ING4: variants seen among roughly 807,000 people sequenced by gnomAD.
The protein encoded by ING4 is inhibitor of growth protein 4.
A neutral mutation model predicts 33.1 loss-of-function variants in ING4; 28 were observed. The ratio of observed to expected loss-of-function variants is 0.85; its 90% confidence interval spans 0.63 to 1.16. The LOEUF is 1.16. ING4 is among the 50% of genes most tolerant of loss of function. ING4 has a pLI of 0.00. For synonymous variants in ING4, 87 were observed against 104.4 expected, an observed-to-expected ratio of 0.83 and a Z score of 1.02; for missense variants, 247 against 314.7, an observed-to-expected ratio of 0.78 and a Z score of 1.63.
chr12:6,652,429 A>C lies in ING4; in HGVS notation c.498-11T>G. The C allele has an allele frequency of 1.2e-6, 2 of 1,613,190 alleles. No individual in the cohort carries two copies. The highest frequency in any genetic ancestry group is 1.7e-6 in the Non-Finnish European group (2 of 1,179,382). On this transcript the variant is annotated splice_polypyrimidine_tract_variant and intron_variant, in intron 5 of 7. Transcript: ENST00000341550. Reference sequence around the variant, plus strand: ...CCATACTCAGGACTTCTGCATGCCAAGAGGAAGAGAAAGTGTCATCTACAG... The same window carrying C: ...CCATACTCAGGACTTCTGCATGCCACGAGGAAGAGAAAGTGTCATCTACAG...
intron 1 of ING4, among the ~76,000 whole-genome samples, chr12:6,661,037 A>C (rs1407036066): frequency 6.8e-6 from 1 of 147,168 alleles, no homozygotes; most frequent in African/African-American, 2.5e-5. Context: ...AAGGCGATCC[A>C]CCCATCTCAG....
At chr12:6,657,222 A>G (rs1949386220) in intron 1 of ING4, among the ~76,000 whole-genome samples, 1 of 151,588 alleles carries the variant, frequency 6.6e-6, no homozygotes, top group Non-Finnish European at 1.5e-5. Context: ...GGCCGAGGAG[A>G]GCAGATCACG....
Position 6,650,398 on chromosome 12 carries a change from G to C in ING4, c.*797C>G, listed in dbSNP as rs1345555303. ...AAGTTTTGGAGACCCCCTGGTCTGAGGCCTACCCTCCAGCACCTCTGTCTT... is the reference window on the plus strand; with the variant it reads ...AAGTTTTGGAGACCCCCTGGTCTGACGCCTACCCTCCAGCACCTCTGTCTT... On this transcript the variant is annotated 3_prime_UTR_variant, in exon 8 of 8. Coordinates refer to ENST00000341550, the MANE Select transcript of ING4 (RefSeq NM_016162.4). The C allele has an allele frequency of 6.6e-6, 1 of 152,350 alleles. No homozygotes were observed. Among genetic ancestry groups the C allele is most frequent in the African/African-American group, 2.4e-5 (1 of 41,444 alleles). 9.4% of individuals were successfully genotyped at this position (152,350 alleles called of 1,614,324 possible).
intron 1 of ING4, among the ~76,000 whole-genome samples, chr12:6,661,728 T>C (rs978794063): frequency 2.0e-5 from 3 of 151,988 alleles, no homozygotes; most frequent in Non-Finnish European, 4.4e-5. Flanking sequence ...GCCCAGCCTG[T>C]CTACCTCACT....
chr12:6,662,253 G>A (rs1335292543), intron 1 of ING4, among the ~76,000 whole-genome samples: 1 of 151,988 alleles, frequency 6.6e-6, no homozygotes, highest in African/African-American at 2.4e-5. Context: ...ACATCCCCAG[G>A]TAATTACCCC....
chr12:6,653,064 A>G lies in ING4; in HGVS notation c.277-14T>C. ...GTGTTTGTCCACCTGGGTGGAAAGG[A>G]AGGAGAAAGGAGAGGTACAAAACTA... is the stretch of plus-strand genomic sequence containing the variant. On this transcript the variant is annotated splice_polypyrimidine_tract_variant and intron_variant, in intron 3 of 7. Coordinates refer to ENST00000341550, the MANE Select transcript of ING4 (RefSeq NM_016162.4). 1 of 1,611,844 alleles carries G rather than the reference A, an allele frequency of 6.2e-7. No individual in the cohort carries two copies.
chr12:6,654,575 G>A (rs1196783149), intron 2 of ING4, among the ~76,000 whole-genome samples: 1 of 152,004 alleles, frequency 6.6e-6, no homozygotes, highest in Non-Finnish European at 1.5e-5. Flanking sequence ...CTGGTCAAAT[G>A]ATCCACCTGC....
In ING4 at chr12:6,654,624, A is replaced by G. The variant is rs1949294225; in HGVS notation, c.110-1228T>C. 2.6e-5 allele frequency among the ~76,000 whole-genome samples: 4 copies of G among 152,064 alleles called. No homozygotes were observed. In the South Asian group the frequency reaches 8.3e-4, roughly 31 times the overall value. On this transcript the variant is annotated intron_variant, in intron 2 of 7. Coordinates refer to ENST00000341550, the MANE Select transcript of ING4 (RefSeq NM_016162.4). ...AGTGTTGGGATTCCAGGTGTGAGCCACTGCAGCCAGGCTGCCCATCCTATT... is the reference window on the plus strand; with the variant it reads ...AGTGTTGGGATTCCAGGTGTGAGCCGCTGCAGCCAGGCTGCCCATCCTATT...
chr12:6,653,186 G>A, intron 3 of ING4, 44 bp downstream of exon 3: 1 of 1,610,386 alleles, frequency 6.2e-7, no homozygotes, highest in South Asian at 1.1e-5. Flanking sequence ...AAGACCCTGA[G>A]GATTAGATGG....
Position 6,653,332 on chromosome 12 carries a change from G to A in ING4, c.174C>T (p.Ser58=), listed in dbSNP as rs761787934. Residue 58 remains serine, a synonymous_variant, in exon 3 of 8, where the codon TCC becomes TCT. Transcript: ENST00000341550. ...GTTTGAGAAGGGCCAATTTTTCCTC[G>A]GAGCTCAGGCTGCGGGCACTACTCA... is the stretch of plus-strand genomic sequence containing the variant. ...EYMSSARSLS[S]EEKLALLKQI... is the part of the protein sequence containing the mutation. 13 of 1,614,012 alleles carry A rather than the reference G, an allele frequency of 8.1e-6. No homozygotes were observed. The highest frequency in any genetic ancestry group is 2.2e-5 in the South Asian group (2 of 91,082).
chr12:6,653,367 T>A lies in ING4; in HGVS notation c.139A>T (p.Thr47Ser). ...DLKAEIDKLA[T>S]EYMSSARSLS... ...CTGCGGGCACTACTCATATACTCAG[T>A]GGCCAACTTGTCAATTTCAGCCTTC... is the stretch of plus-strand genomic sequence containing the variant. Residue 47 changes from threonine to serine, a missense_variant, in exon 3 of 8, where the codon ACT becomes TCT. This residue lies in a region of ING4 where 198 missense variants were observed against 221.2 expected (regional missense o/e 0.89). Transcript: ENST00000341550. 2 of 1,614,186 alleles carry A rather than the reference T, an allele frequency of 1.2e-6. No individual in the cohort carries two copies. Among genetic ancestry groups the A allele is most frequent in the Non-Finnish European group, 8.5e-7 (1 of 1,180,030 alleles).
chr12:6,662,916 C>T (rs1949604515), intron 1 of ING4, 149 bp downstream of exon 1: 2 of 861,452 alleles, frequency 2.3e-6, no homozygotes, highest in African/African-American at 3.4e-5. Flanking sequence ...CCCGCCCCCT[C>T]TTTCTCCGCA....
chr12:6,650,959 C>T lies in ING4; in HGVS notation c.*236G>A. On this transcript the variant is annotated 3_prime_UTR_variant, in exon 8 of 8. Transcript: ENST00000341550. Reference sequence around the variant, plus strand: ...AAAAGGACAGTGGGCAAGACCACGTCCCTCCGAAGGGAGAGGGCTGAAGGA... The same window carrying T: ...AAAAGGACAGTGGGCAAGACCACGTTCCTCCGAAGGGAGAGGGCTGAAGGA... 1.7e-6 allele frequency: 1 copy of T among 586,410 alleles called. No individual in the cohort carries two copies. The highest frequency in any genetic ancestry group is 2.0e-5 in the South Asian group (1 of 49,106). The allele number at this position is 586,410 out of a possible 1,614,324, so 36.3% of individuals were successfully genotyped here. A position where few individuals can be genotyped will look rare whatever the true frequency, so the allele number is the denominator to read the frequency against.
chr12:6,655,741 CAAA>C, intron 2 of ING4: 1 of 458,652 alleles, frequency 2.2e-6, no homozygotes, highest in Non-Finnish European at 3.9e-6. Context: ...TCATGTATCT[CAAA>C]ACCAGTCTGT....
At chr12:6,660,491 C>T (rs1949513202) in intron 1 of ING4, among the ~76,000 whole-genome samples, 1 of 151,952 alleles carries the variant, frequency 6.6e-6, no homozygotes, top group Admixed American at 6.6e-5. Flanking sequence ...CACTGTAATC[C>T]TAGCTACTCA....
At chr12:6,659,359 C>A (rs542673219) in intron 1 of ING4, among the ~76,000 whole-genome samples, 1 of 151,624 alleles carries the variant, frequency 6.6e-6, no homozygotes, top group Non-Finnish European at 1.5e-5. Context: ...AGTTCAAGAC[C>A]AGCCTGGCCA....
chr12:6,661,466 G>A (rs1042684201), intron 1 of ING4, among the ~76,000 whole-genome samples: 3 of 145,358 alleles, frequency 2.1e-5, no homozygotes, highest in African/African-American at 7.9e-5. Context: ...CACCCAGGCT[G>A]GAGTGCAGTG....
At chr12:6,660,573 G>A (rs1565406277) in intron 1 of ING4, among the ~76,000 whole-genome samples, 4 of 151,602 alleles carry the variant, frequency 2.6e-5, no homozygotes, top group African/African-American at 4.8e-5. Context: ...GCACCATTGC[G>A]CTCCAGCCTG....
intron 3 of ING4, 78 bp downstream of exon 3, chr12:6,653,152 C>G: frequency 1.3e-6 from 2 of 1,598,710 alleles, no homozygotes; most frequent in Non-Finnish European, 1.7e-6. Context: ...CAAACAGATC[C>G]CAACACAGTT....
Sources: gnomAD v4.1 joint callset for allele counts (sites outside exome capture counted in the v4.1 genomes callset) on GRCh38, gnomAD v4.1.1 for gene constraint, gnomAD v4.1.1 regional missense constraint, MANE v1.5 for transcripts, NCBI Gene and HGNC (gene_info 2026-07-23, HGNC 2026-07-21) for gene names.